The following ADIPOQ variants were observed in gnomAD, a reference collection of about 807,000 sequenced individuals.
ADIPOQ encodes the protein adiponectin, C1Q and collagen domain containing.
A neutral mutation model predicts 16.1 loss-of-function variants in ADIPOQ; 19 were observed. The observed-to-expected ratio is 1.18, with a 90% confidence interval of 0.82 to 1.73. The LOEUF (loss-of-function observed/expected upper bound fraction) is 1.73, where lower values mean the gene tolerates loss of function less well. Ranked by LOEUF, ADIPOQ falls within the 40% of genes most tolerant of loss-of-function variation. The probability of loss-of-function intolerance (pLI) is 0.00; values close to 1 mark genes in which losing one functional copy is unlikely to be tolerated. For synonymous variants in ADIPOQ, 124 were observed against 125.5 expected (o/e 0.99, Z 0.08); for missense variants, 323 against 308.3 (o/e 1.05, Z -0.36).
rs1711943273 is a variant in ADIPOQ, at chr3:186,854,995, G to GATATGA, written c.*291_*292insATATGA. 2.7e-5 allele frequency: 12 copies of GATATGA among 449,288 alleles called. No homozygotes were observed. The highest frequency in any genetic ancestry group is 4.9e-5 in the Non-Finnish European group (12 of 244,686). 27.8% of individuals were successfully genotyped at this position (449,288 alleles called of 1,614,324 possible). On this transcript the variant is annotated 3_prime_UTR_variant, in exon 3 of 3. Coordinates refer to ENST00000320741, the MANE Select transcript of ADIPOQ (RefSeq NM_004797.4). ...CCTGATGCTCATATCAATCCTATAA[G>GATATGA]GCACAGGGAACAAGCATTCTCCTGT...
intron 1 of ADIPOQ, among the ~76,000 whole-genome samples, chr3:186,844,755 G>A (rs1196363676): frequency 6.6e-6 from 1 of 151,862 alleles, no homozygotes; most frequent in Non-Finnish European, 1.5e-5. Flanking sequence ...TATATTGGCT[G>A]GGGGGCCTCA....
In ADIPOQ at chr3:186,856,523, C is replaced by T. The variant is rs1480835094; in HGVS notation, c.*1819C>T. ...CTAGAGTGCAGTGGCATGATCTCGG[C>T]TTACTGCAACCTTTGCCTCCCAGGT... On this transcript the variant is annotated 3_prime_UTR_variant, in exon 3 of 3. Transcript: ENST00000320741. 1 of 152,084 alleles carries T rather than the reference C, an allele frequency of 6.6e-6. No individual in the cohort carries two copies. The highest frequency in any genetic ancestry group is 1.5e-5 in the Non-Finnish European group (1 of 68,038). 9.4% of individuals were successfully genotyped at this position (152,084 alleles called of 1,614,324 possible).
intron 1 of ADIPOQ, chr3:186,845,635 G>T (rs1262598301): frequency 4.6e-5 from 7 of 152,138 alleles, no homozygotes; most frequent in Non-Finnish European, 7.3e-5. Context: ...GCCTCCCAAA[G>T]TGCTGGGATT....
chr3:186,845,873 T>C (rs1173335084), intron 1 of ADIPOQ, among the ~76,000 whole-genome samples: 1 of 152,214 alleles, frequency 6.6e-6, no homozygotes, highest in East Asian at 1.9e-4. Context: ...AGTGTTCTCA[T>C]GTTCCTCATC....
intron 2 of ADIPOQ, chr3:186,853,906 T>A: frequency 3.2e-6 from 1 of 312,918 alleles, no homozygotes; most frequent in Non-Finnish European, 5.8e-6. Flanking sequence ...AAAACCAGGG[T>A]TGATGGTGCC....
Position 186,856,373 on chromosome 3 carries a change from AT to A in ADIPOQ, c.*1671del, listed in dbSNP as rs1325517317. The A allele has an allele frequency of 6.6e-6, 1 of 152,230 alleles. No homozygotes were observed. The highest frequency in any genetic ancestry group is 2.4e-5 in the African/African-American group (1 of 41,458). 9.4% of individuals were successfully genotyped at this position (152,230 alleles called of 1,614,324 possible). Reference sequence around the variant, plus strand: ...ACTATCTTTTTGCTTACAGTTTTAAATTCTGAACAATTCTCTCTTATATGTG... The same window carrying A: ...ACTATCTTTTTGCTTACAGTTTTAAATCTGAACAATTCTCTCTTATATGTG... On this transcript the variant is annotated 3_prime_UTR_variant, in exon 3 of 3. Transcript: ENST00000320741.
At chr3:186,846,881 G>A (rs1711594243) in intron 1 of ADIPOQ, among the ~76,000 whole-genome samples, 1 of 152,064 alleles carries the variant, frequency 6.6e-6, no homozygotes, top group African/African-American at 2.4e-5. Flanking sequence ...CTTTTTTCTT[G>A]TATCCCTCAC....
At chr3:186,852,124 G>T (rs891165351) in intron 1 of ADIPOQ, 1 of 152,326 alleles carries the variant, frequency 6.6e-6, no homozygotes, top group African/African-American at 2.4e-5. Context: ...AACAGCAAGG[G>T]ATAAGTCTGC....
chr3:186,857,035 G>A lies in ADIPOQ; in HGVS notation c.*2331G>A, dbSNP rs1172495352. On this transcript the variant is annotated 3_prime_UTR_variant, in exon 3 of 3. Transcript: ENST00000320741. ...CAGGTGCTACACAGTATAGTTCTAG[G>A]GTTTCCCTCCCGATATCAAAAAGAC... 3 of 152,164 alleles carry A rather than the reference G, an allele frequency of 2.0e-5. No homozygotes were observed. The highest frequency in any genetic ancestry group is 4.8e-5 in the African/African-American group (2 of 41,432). The allele number at this position is 152,164 out of a possible 1,614,324, so 9.4% of individuals were successfully genotyped here.
chr3:186,849,595 A>T (rs1489168010), intron 1 of ADIPOQ, among the ~76,000 whole-genome samples: 1 of 152,218 alleles, frequency 6.6e-6, no homozygotes, highest in Non-Finnish European at 1.5e-5. Context: ...TGGGTCTTAA[A>T]TAAAGACTCA....
intron 1 of ADIPOQ, among the ~76,000 whole-genome samples, chr3:186,850,174 G>A (rs1194727204): frequency 6.6e-6 from 1 of 151,228 alleles, no homozygotes; most frequent in Non-Finnish European, 1.5e-5. Flanking sequence ...GGAGGCTAAG[G>A]CATGAGAATC....
chr3:186,849,406 G>A (rs1711673781), intron 1 of ADIPOQ, among the ~76,000 whole-genome samples: 1 of 152,294 alleles, frequency 6.6e-6, no homozygotes, highest in South Asian at 2.1e-4. Flanking sequence ...CTCCTAAAAT[G>A]CAAAAGGGGC....
In ADIPOQ at chr3:186,846,228, C is replaced by A. The variant is rs1711573969; in HGVS notation, c.-9+3479C>A. Among the ~76,000 whole-genome samples the A allele has an allele frequency of 2.0e-5, 3 of 148,490 alleles. No individual in the cohort carries two copies. In the South Asian group the frequency reaches 6.5e-4, roughly 32 times the overall value. On this transcript the variant is annotated intron_variant, in intron 1 of 2. Coordinates refer to ENST00000320741, the MANE Select transcript of ADIPOQ (RefSeq NM_004797.4). ...GTGATTTCTGGGGCTCCTTTTGGCT[C>A]TGACATTTGAGGATTTTGTATACTT...
intron 1 of ADIPOQ, among the ~76,000 whole-genome samples, chr3:186,844,705 G>A (rs1711534030): frequency 6.6e-6 from 1 of 151,844 alleles, no homozygotes; most frequent in Admixed American, 6.6e-5. Flanking sequence ...AACCATGCCT[G>A]GCTAATTTTT....
At position 186,857,091 on chromosome 3, in the gene ADIPOQ, C is replaced by G. The variant is rs1202077610; in HGVS notation, c.*2387C>G. ...CCTGCCCAGCTCTCGTATCCCCAAG[C>G]CACACCATCTGGCTAAATGGACATC... On this transcript the variant is annotated 3_prime_UTR_variant, in exon 3 of 3. Transcript: ENST00000320741. 1.3e-5 allele frequency: 2 copies of G among 152,226 alleles called. No homozygotes were observed. The highest frequency in any genetic ancestry group is 2.9e-5 in the Non-Finnish European group (2 of 68,060). 9.4% of individuals were successfully genotyped at this position (152,226 alleles called of 1,614,324 possible).
intron 1 of ADIPOQ, 93 bp from the exon 2 acceptor site, chr3:186,852,958 C>T (rs1352980441): frequency 2.2e-6 from 3 of 1,353,540 alleles, no homozygotes; most frequent in African/African-American, 2.9e-5. Flanking sequence ...GAAGTAGACT[C>T]TGCTGAGATG....
Position 186,854,268 on chromosome 3 carries a change from G to C in ADIPOQ, c.299G>C (p.Arg100Thr). The C allele has an allele frequency of 6.2e-7, 1 of 1,613,962 alleles. No individual in the cohort carries two copies. The highest frequency in any genetic ancestry group is 8.5e-7 in the Non-Finnish European group (1 of 1,179,814). The change falls in exon 3 of 3, where the codon AGG becomes ACG. Residue 100 changes from arginine to threonine, a missense_variant. Transcript: ENST00000320741. ...CGAGGCTTTCCGGGAATCCAAGGCA[G>C]GAAAGGAGAACCTGGAGAAGGTGCC... is the stretch of plus-strand genomic sequence containing the variant. ...GPRGFPGIQGRKGEPGEGAYV... is the reference protein window; with the variant it reads ...GPRGFPGIQGTKGEPGEGAYV...
rs1275667299 is a variant in ADIPOQ at position 186,857,202 on chromosome 3, T to A, written c.*2498T>A. On this transcript the variant is annotated 3_prime_UTR_variant, in exon 3 of 3. Coordinates refer to ENST00000320741, the MANE Select transcript of ADIPOQ (RefSeq NM_004797.4). ...AGTGTAACCTTGCATCTCATTGCTC[T>A]GGCTGAGTTGTGTGCCTGTTTCTGA... is the stretch of plus-strand genomic sequence containing the variant. 6.6e-6 allele frequency: 1 copy of A among 152,248 alleles called. No individual in the cohort carries two copies. The highest frequency in any genetic ancestry group is 1.9e-4 in the East Asian group (1 of 5,190). The allele number at this position is 152,248 out of a possible 1,614,324, so 9.4% of individuals were successfully genotyped here.
At chr3:186,850,124 G>A (rs1323083399) in intron 1 of ADIPOQ, among the ~76,000 whole-genome samples, 2 of 152,022 alleles carry the variant, frequency 1.3e-5, no homozygotes, top group Non-Finnish European at 2.9e-5. Flanking sequence ...GCAAAAATTA[G>A]CTGCGTGTGG....
Sources: allele counts gnomAD v4.1 joint callset (sites outside exome capture counted in the v4.1 genomes callset), GRCh38; gene constraint gnomAD v4.1.1; transcripts MANE v1.5; gene names NCBI Gene and HGNC (gene_info 2026-07-23, HGNC 2026-07-21).